The following SLC12A8 variants were observed in gnomAD, a reference collection of about 807,000 sequenced individuals.
The protein encoded by SLC12A8 is cation-chloride cotransporter 9.
A neutral mutation model predicts 75.6 loss-of-function variants in SLC12A8; 69 were observed. The observed-to-expected ratio is 0.91, with a 90% CI of 0.75 to 1.11. SLC12A8 has a LOEUF of 1.11. Ranked by LOEUF, SLC12A8 falls within the 50% of genes most tolerant of loss-of-function variation. The pLI, the probability that SLC12A8 is intolerant of heterozygous loss-of-function variation, is 0.00. For missense variants in SLC12A8, 877 were observed against 896.7 expected, an observed-to-expected ratio of 0.98 and a Z score of 0.28; for synonymous variants, 365 against 372.8, an observed-to-expected ratio of 0.98 and a Z score of 0.24.
chr3:125,133,344 TACACAC>T (rs374385025), intron 6 of SLC12A8, among the ~76,000 whole-genome samples: 2 of 149,174 alleles, frequency 1.3e-5, no homozygotes, highest in Admixed American at 6.8e-5. Flanking sequence ...TAATCAGGAA[TACACAC>T]ACACACACAC....
At chr3:125,133,992 A>G (rs897064754) in intron 6 of SLC12A8, among the ~76,000 whole-genome samples, 2 of 152,214 alleles carry the variant, frequency 1.3e-5, no homozygotes, top group African/African-American at 4.8e-5. Flanking sequence ...CTAGAACTGC[A>G]TATAAATGGA....
chr3:125,162,248 A>G (rs1327500737), intron 5 of SLC12A8, among the ~76,000 whole-genome samples: 1 of 152,002 alleles, frequency 6.6e-6, no homozygotes, highest in Non-Finnish European at 1.5e-5. Flanking sequence ...CACTTAGCAA[A>G]CCTATTGAGC....
At chr3:125,172,172 G>C (rs1285133374) in intron 5 of SLC12A8, among the ~76,000 whole-genome samples, 1 of 151,980 alleles carries the variant, frequency 6.6e-6, no homozygotes, top group Non-Finnish European at 1.5e-5. Context: ...TACTCAGGAG[G>C]CTGAGGCAGG....
At chr3:125,125,921 G>T in intron 6 of SLC12A8, 1 of 984,782 alleles carries the variant, frequency 1.0e-6, no homozygotes, top group Non-Finnish European at 1.2e-6. Context: ...GCGATGCATT[G>T]GTTTCGCCAC....
At chr3:125,194,267 AG>A (rs1214492759) in intron 2 of SLC12A8, among the ~76,000 whole-genome samples, 2 of 152,168 alleles carry the variant, frequency 1.3e-5, no homozygotes, top group Non-Finnish European at 2.9e-5. Context: ...CCTCATTGCT[AG>A]GGTCTTCCTT....
chr3:125,143,812 G>C (rs1480884685), intron 5 of SLC12A8, among the ~76,000 whole-genome samples: 1 of 152,206 alleles, frequency 6.6e-6, no homozygotes, highest in Non-Finnish European at 1.5e-5. Flanking sequence ...AGCCTCCCTG[G>C]CCTGGGAGGG....
intron 5 of SLC12A8, among the ~76,000 whole-genome samples, chr3:125,171,218 C>CACCAGAGTTCAGGAGTTCAAG (rs1329326417): frequency 3.3e-4 from 1 of 3,062 alleles, no homozygotes; most frequent in African/African-American, 5.1e-4. Flanking sequence ...AAGATATCAT[C>CACCAGAGTTCAGGAGTTCAAG]TCACACCAGT....
At chr3:125,189,522 G>A (rs1431317004) in intron 3 of SLC12A8, among the ~76,000 whole-genome samples, 1 of 152,178 alleles carries the variant, frequency 6.6e-6, no homozygotes, top group African/African-American at 2.4e-5. Context: ...GCTGTTTTCA[G>A]AACTCTCCTA....
chr3:125,137,462 G>T (rs1427656237), intron 5 of SLC12A8, among the ~76,000 whole-genome samples: 3 of 152,180 alleles, frequency 2.0e-5, no homozygotes, highest in Non-Finnish European at 2.9e-5. Flanking sequence ...TAGCTTATCC[G>T]CTGGCTGACC....
chr3:125,109,759 C>A lies in SLC12A8; in HGVS notation c.1059+430G>T, dbSNP rs77085486. 1.4e-4 allele frequency among the ~76,000 whole-genome samples: 22 copies of A among 152,270 alleles called. 1 individual carries two copies. In the East Asian group the frequency reaches 4.0e-3, roughly 28 times the overall value. On this transcript the variant is annotated intron_variant, in intron 9 of 13. Coordinates refer to ENST00000469902, the MANE Select transcript of SLC12A8 (RefSeq NM_024628.6). ...GTGTAGGAAATCATCAAACAGCAAC[C>A]CCCAAGGGGCGGTTGAAACTCAAGG...
In SLC12A8 at chr3:125,155,500, G is replaced by A. The variant is rs576191355; in HGVS notation, c.623-19718C>T. 5.3e-5 allele frequency among the ~76,000 whole-genome samples: 8 copies of A among 152,042 alleles called. No individual in the cohort carries two copies. In the South Asian group the frequency reaches 1.3e-3, roughly 24 times the overall value. On this transcript the variant is annotated intron_variant, in intron 5 of 13. Transcript: ENST00000469902. ...TTAGAAATAAGTTTGAGCCGGGCGC[G>A]GTGGCTCACGCCTGTAATCCCAGCA...
At chr3:125,187,882 G>A (rs548737937) in intron 3 of SLC12A8, among the ~76,000 whole-genome samples, 1 of 152,084 alleles carries the variant, frequency 6.6e-6, no homozygotes, top group Non-Finnish European at 1.5e-5. Context: ...CAGGAAGCTG[G>A]CCCTGTAACC....
chr3:125,173,420 A>T (rs1383273923), intron 5 of SLC12A8, among the ~76,000 whole-genome samples: 1 of 142,774 alleles, frequency 7.0e-6, no homozygotes, highest in Non-Finnish European at 1.5e-5. Context: ...CTTTTCAACA[A>T]CTGGTGCTGG....
chr3:125,180,264 T>TAG (rs1298965058), intron 4 of SLC12A8, among the ~76,000 whole-genome samples: 1 of 152,128 alleles, frequency 6.6e-6, no homozygotes, highest in African/African-American at 2.4e-5. Flanking sequence ...GAAGCCAAAA[T>TAG]ATCTAAGGCC....
At position 125,083,954 on chromosome 3, in the gene SLC12A8, G is replaced by T; in HGVS notation, c.2081C>A (p.Ala694Asp). 6.2e-7 allele frequency: 1 copy of T among 1,613,690 alleles called. No individual in the cohort carries two copies. The highest frequency in any genetic ancestry group is 8.5e-7 in the Non-Finnish European group (1 of 1,179,890). ...TQLTQENADF[A>D]TRDRYHHSSL... is the part of the protein sequence containing the mutation. ...GGAGTGGTGGTAGCGATCCCGAGTG[G>T]CGAAGTCTGCATTCTCCTGGGTGAG... The change falls in exon 14 of 14, where the codon GCC (alanine) becomes GAC (aspartate). Residue 694 changes from alanine to aspartate, a missense_variant. Coordinates refer to ENST00000469902, the MANE Select transcript of SLC12A8 (RefSeq NM_024628.6).
chr3:125,141,281 G>A (rs992769038), intron 5 of SLC12A8, among the ~76,000 whole-genome samples: 2 of 152,210 alleles, frequency 1.3e-5, no homozygotes, highest in African/African-American at 4.8e-5. Context: ...CTTTCCACCC[G>A]GAATTCGGGT....
intron 2 of SLC12A8, among the ~76,000 whole-genome samples, chr3:125,192,292 A>G (rs1204968229): frequency 6.6e-6 from 1 of 152,036 alleles, no homozygotes; most frequent in East Asian, 1.9e-4. Context: ...AGGGCTGAGG[A>G]GATGGAGGCT....
At chr3:125,143,059 A>G (rs1933687692) in intron 5 of SLC12A8, among the ~76,000 whole-genome samples, 1 of 152,242 alleles carries the variant, frequency 6.6e-6, no homozygotes, top group South Asian at 2.1e-4. Context: ...GGAAACCTTC[A>G]TGGTCTAATT....
intron 5 of SLC12A8, among the ~76,000 whole-genome samples, chr3:125,138,827 G>T (rs1933556420): frequency 1.4e-5 from 2 of 147,856 alleles, no homozygotes. Flanking sequence ...GGGCAACACA[G>T]AAAGACCCCT....
Sources: gnomAD v4.1 joint callset for allele counts (sites outside exome capture counted in the v4.1 genomes callset) on GRCh38, gnomAD v4.1.1 for gene constraint, MANE v1.5 for transcripts, NCBI Gene and HGNC (gene_info 2026-07-23, HGNC 2026-07-21) for gene names.